MTUS2: variants seen among roughly 807,000 people sequenced by gnomAD.
MTUS2 encodes microtubule associated scaffold protein 2, also known as microtubule-associated tumor suppressor candidate 2.
In MTUS2, 40 loss-of-function variants were observed where a neutral mutation model predicts 114.1. That is an observed-to-expected ratio of 0.35 (90% confidence interval 0.27 to 0.46). The LOEUF is 0.46. MTUS2 is among the 20% of genes least tolerant of loss of function. MTUS2 has a pLI of 1.00. For missense variants in MTUS2, 1,679 were observed against 1,705.4 expected, an observed-to-expected ratio of 0.98 and a Z score of 0.27; for synonymous variants, 688 against 672.0, an observed-to-expected ratio of 1.02 and a Z score of -0.37.
At chr13:29,061,429 T>G (rs894489186) in intron 4 of MTUS2, among the ~76,000 whole-genome samples, 1 of 152,236 alleles carries the variant, frequency 6.6e-6, no homozygotes, top group African/African-American at 2.4e-5. Context: ...AGCTGTTCTT[T>G]CCTCAAAAGT....
chr13:29,169,379 A>G (rs116226560), intron 5 of MTUS2, among the ~76,000 whole-genome samples: 3 of 152,316 alleles, frequency 2.0e-5, no homozygotes, highest in Admixed American at 6.5e-5. Context: ...AATAAAAAAT[A>G]TAGTTGTTTG....
chr13:29,053,904 G>T (rs1488993338), intron 4 of MTUS2, among the ~76,000 whole-genome samples: 1 of 152,160 alleles, frequency 6.6e-6, no homozygotes, highest in Non-Finnish European at 1.5e-5. Context: ...AGGGCATATG[G>T]TTTCACTTCT....
At chr13:28,899,010 A>G (rs561989247) in intron 2 of MTUS2, among the ~76,000 whole-genome samples, 1 of 152,290 alleles carries the variant, frequency 6.6e-6, no homozygotes, top group East Asian at 1.9e-4. Flanking sequence ...TTCAGTGTCT[A>G]CCACAAACCA....
intron 4 of MTUS2, among the ~76,000 whole-genome samples, chr13:29,068,304 C>A (rs575187960): frequency 1.3e-5 from 2 of 152,330 alleles, no homozygotes; most frequent in Admixed American, 6.5e-5. Flanking sequence ...ATTGTCCTAT[C>A]TTTGGCTTAC....
At chr13:29,038,169 G>A (rs191995721) in intron 4 of MTUS2, among the ~76,000 whole-genome samples, 2 of 152,296 alleles carry the variant, frequency 1.3e-5, no homozygotes, top group South Asian at 2.1e-4. Context: ...TTTGTTATTT[G>A]ATGTTGGTGA....
chr13:28,835,940 A>C (rs558149977), intron 1 of MTUS2, among the ~76,000 whole-genome samples: 1 of 152,168 alleles, frequency 6.6e-6, no homozygotes, highest in Non-Finnish European at 1.5e-5. Flanking sequence ...TCAGCACTGC[A>C]GTAGTCTTTG....
intron 2 of MTUS2, among the ~76,000 whole-genome samples, chr13:28,994,352 C>T (rs558978305): frequency 1.4e-3 from 213 of 152,292 alleles, no homozygotes; most frequent in African/African-American, 5.0e-3. Flanking sequence ...AATAGTGCTG[C>T]AATAAACATA....
At chr13:29,309,671 TCAGACCACA>T (rs1899659420) in intron 6 of MTUS2, among the ~76,000 whole-genome samples, 1 of 152,214 alleles carries the variant, frequency 6.6e-6, no homozygotes, top group Non-Finnish European at 1.5e-5. Flanking sequence ...ACACAAACAT[TCAGACCACA>T]TAGTAGGTTC....
intron 4 of MTUS2, among the ~76,000 whole-genome samples, chr13:29,065,315 C>T (rs1404012534): frequency 1.3e-5 from 2 of 152,084 alleles, no homozygotes; most frequent in South Asian, 2.1e-4. Context: ...TGTTAGTAAT[C>T]GCCATTCTGA....
intron 2 of MTUS2, among the ~76,000 whole-genome samples, chr13:28,966,197 G>T (rs150009255): frequency 2.6e-4 from 40 of 152,258 alleles, no homozygotes; most frequent in African/African-American, 9.1e-4. Context: ...GCAAATTAAA[G>T]ATATGACCTC....
chr13:28,964,063 C>G (rs958891546), intron 2 of MTUS2, among the ~76,000 whole-genome samples: 2 of 152,190 alleles, frequency 1.3e-5, no homozygotes, highest in Non-Finnish European at 2.9e-5. Context: ...ACCTCTAGCC[C>G]TAACCATTCC....
At chr13:29,337,220 T>C (rs1052720742) in intron 7 of MTUS2, among the ~76,000 whole-genome samples, 2 of 151,634 alleles carry the variant, frequency 1.3e-5, no homozygotes, top group African/African-American at 4.8e-5. Flanking sequence ...CAACTAGCTC[T>C]GTGTCTACCC....
chr13:29,359,438 G>A lies in MTUS2; in HGVS notation c.3082G>A (p.Ala1028Thr), dbSNP rs1457910270. Residue 1028 changes from alanine (A) to threonine (T), a missense_variant, in exon 8 of 16, where the codon GCC becomes ACC. Physicochemically the swap from Ala to Thr is moderately conservative, Grantham distance 58 (BLOSUM62 0). Around this residue, in one of 3 missense-constraint regions of MTUS2, gnomAD observed 822 missense variants for 899.7 expected, o/e 0.91. Transcript: ENST00000612955. Reference sequence around the variant, plus strand: ...GAAGAGGGCCATCTGCGGCTTTGATGCCCTCGCCGTGGCCACGCAGCATTT... The same window carrying A: ...GAAGAGGGCCATCTGCGGCTTTGATACCCTCGCCGTGGCCACGCAGCATTT... ...ELKRAICGFD[A>T]LAVATQHFFR... 1 of 1,612,612 alleles carries A rather than the reference G, an allele frequency of 6.2e-7. No homozygotes were observed. Among genetic ancestry groups the A allele is most frequent in the Non-Finnish European group, 8.5e-7 (1 of 1,179,578 alleles).
At chr13:28,820,277 T>A (rs953142429), upstream of MTUS2, 1 of 146,436 alleles carries the variant, frequency 6.8e-6, no homozygotes, top group African/African-American at 2.5e-5. Context: ...GGGCGGTGCC[T>A]GCGCCGAGGT....
At chr13:29,198,423 G>T (rs1894793354) in intron 5 of MTUS2, among the ~76,000 whole-genome samples, 1 of 152,166 alleles carries the variant, frequency 6.6e-6, no homozygotes, top group Non-Finnish European at 1.5e-5. Context: ...TGTTCCATTG[G>T]TCTATATGTC....
intron 5 of MTUS2, among the ~76,000 whole-genome samples, chr13:29,227,258 C>CCA (rs1400846992): frequency 8.3e-6 from 1 of 120,646 alleles, no homozygotes; most frequent in Non-Finnish European, 1.7e-5. Context: ...GACTCCGTCT[C>CCA]AAAAAAAAAA....
chr13:29,260,037 G>A (rs905177346), intron 5 of MTUS2, among the ~76,000 whole-genome samples: 6 of 152,190 alleles, frequency 3.9e-5, no homozygotes, highest in African/African-American at 9.7e-5. Context: ...GCCAACAGCC[G>A]GAGCAAAGAA....
At chr13:28,968,838 G>T (rs576294162) in intron 2 of MTUS2, among the ~76,000 whole-genome samples, 43 of 152,114 alleles carry the variant, frequency 2.8e-4, no homozygotes, top group African/African-American at 9.4e-4. Context: ...TCATGTAAAG[G>T]ATTAAAAAGT....
chr13:29,257,662 G>C (rs1050284501), intron 5 of MTUS2, among the ~76,000 whole-genome samples: 1 of 152,158 alleles, frequency 6.6e-6, no homozygotes, highest in Non-Finnish European at 1.5e-5. Flanking sequence ...AGAAAGAGGA[G>C]GTTGGCAAAG....
Sources: allele counts gnomAD v4.1 joint callset (sites outside exome capture counted in the v4.1 genomes callset), GRCh38; gene constraint gnomAD v4.1.1; regional missense constraint gnomAD v4.1.1; transcripts MANE v1.5; gene names NCBI Gene and HGNC (gene_info 2026-07-23, HGNC 2026-07-21).